Variants in USPL1 observed in about 807,000 individuals in gnomAD.
USPL1 encodes the protein ubiquitin specific peptidase like 1.
USPL1 carries 27 observed loss-of-function variants against 51.5 expected under a neutral mutation model. The ratio of observed to expected loss-of-function variants is 0.52; its 90% confidence interval spans 0.39 to 0.72. The LOEUF is 0.72. USPL1 is among the 30% of genes least tolerant of loss of function. The probability of loss-of-function intolerance (pLI) is 0.00; values close to 1 mark genes in which losing one functional copy is unlikely to be tolerated. For missense variants in USPL1, 1,226 were observed against 1,268.0 expected, an observed-to-expected ratio of 0.97 and a Z score of 0.50; for synonymous variants, 451 against 459.6, an observed-to-expected ratio of 0.98 and a Z score of 0.24.
chr13:30,633,552 C>T (rs1240474449), intron 4 of USPL1, among the ~76,000 whole-genome samples: 1 of 152,026 alleles, frequency 6.6e-6, no homozygotes, highest in Non-Finnish European at 1.5e-5. Context: ...GGGCAGATCT[C>T]ATGAGGTCAA....
At chr13:30,637,252 C>T (rs1028956091) in intron 4 of USPL1, among the ~76,000 whole-genome samples, 4 of 152,126 alleles carry the variant, frequency 2.6e-5, no homozygotes, top group Non-Finnish European at 4.4e-5. Flanking sequence ...CCTTCAAACC[C>T]CTCAAAAATG....
rs758489841 is a variant in USPL1, at chr13:30,642,777, T to A, written c.1112+20T>A. 4 of 1,603,548 alleles carry A rather than the reference T, an allele frequency of 2.5e-6. No homozygotes were observed. The highest frequency in any genetic ancestry group is 1.7e-5 in the Admixed American group (1 of 57,378). On this transcript the variant is annotated intron_variant, in intron 6 of 8. Transcript: ENST00000255304. ...AAACAGGTTAGTTTCTTTTGTTTTT[T>A]AAAATGGGTTCTTCTAGTTTCTCCA...
chr13:30,654,400 C>G lies in USPL1; in HGVS notation c.1396+1095C>G, dbSNP rs545943860. Among the ~76,000 whole-genome samples the G allele has an allele frequency of 3.3e-5, 5 of 151,412 alleles. No individual in the cohort carries two copies. In the South Asian group the frequency reaches 1.0e-3, roughly 31 times the overall value. The stretch of plus-strand genomic sequence containing the variant: ...TTCTTTGCTCCTTCATTCCTTCTCT[C>G]TCTCTCTTTTTTTTTTGAGACAGCA... On this transcript the variant is annotated intron_variant, in intron 8 of 8. Transcript: ENST00000255304.
Position 30,657,527 on chromosome 13 carries a change from A to C in USPL1, c.1450A>C (p.Lys484Gln). 1 of 1,612,564 alleles carries C rather than the reference A, an allele frequency of 6.2e-7. No individual in the cohort carries two copies. The highest frequency in any genetic ancestry group is 8.5e-7 in the Non-Finnish European group (1 of 1,179,562). The change falls in exon 9 of 9, where the codon AAA becomes CAA. Residue 484 changes from lysine to glutamine, a missense_variant. Transcript: ENST00000255304. ...LKGPCSERHK[K>Q]FEVPASEIHI... Reference sequence around the variant, plus strand: ...AGGCCCATGTTCTGAAAGGCACAAGAAATTTGAAGTTCCTGCTTCAGAGAT... The same window carrying C: ...AGGCCCATGTTCTGAAAGGCACAAGCAATTTGAAGTTCCTGCTTCAGAGAT...
chr13:30,635,447 T>A (rs577875589), intron 4 of USPL1, among the ~76,000 whole-genome samples: 1 of 152,326 alleles, frequency 6.6e-6, no homozygotes, highest in East Asian at 1.9e-4. Context: ...CAACATATCA[T>A]GTATGTGTGC....
intron 4 of USPL1, among the ~76,000 whole-genome samples, chr13:30,634,388 A>G (rs1950847394): frequency 6.6e-6 from 1 of 152,222 alleles, no homozygotes; most frequent in Non-Finnish European, 1.5e-5. Flanking sequence ...TTTCCGCTTA[A>G]TATTTTCAGA....
chr13:30,630,850 G>A lies in USPL1; in HGVS notation c.244G>A (p.Gly82Ser). The change falls in exon 4 of 9, where the codon GGC becomes AGC. Residue 82 changes from glycine (G) to serine (S), a missense_variant. By Grantham distance (56) the Gly-to-Ser change is moderately conservative. Coordinates refer to ENST00000255304, the MANE Select transcript of USPL1 (RefSeq NM_005800.5). ...CEDLQCIYPL[G>S]SKSLNNLISP... ...TACTTTCCAGTGCATCTATCCTTTGGGCTCTAAATCACTTAATAACCTAAT... is the reference window on the plus strand; with the variant it reads ...TACTTTCCAGTGCATCTATCCTTTGAGCTCTAAATCACTTAATAACCTAAT... 2.5e-6 allele frequency: 4 copies of A among 1,603,124 alleles called. No individual in the cohort carries two copies. The highest frequency in any genetic ancestry group is 3.4e-6 in the Non-Finnish European group (4 of 1,175,148).
At chr13:30,621,684 G>T (rs1455602627) in intron 2 of USPL1, 80 bp from the exon 3 acceptor site, 5 of 1,143,686 alleles carry the variant, frequency 4.4e-6, no homozygotes, top group Non-Finnish European at 5.7e-6. Context: ...ATTTTTTCTG[G>T]TTACCTTTCC....
In USPL1 at chr13:30,642,661, T is replaced by A; in HGVS notation, c.1016T>A (p.Leu339Gln). The A allele has an allele frequency of 6.2e-7, 1 of 1,613,940 alleles. No individual in the cohort carries two copies. Among genetic ancestry groups the A allele is most frequent in the Middle Eastern group, 1.7e-4 (1 of 6,058 alleles). ...DMESPVFAFP[L>Q]LLKLETHIEK... is the part of the protein sequence containing the mutation. ...GAAAGCCCTGTGTTTGCATTTCCCC[T>A]GCTCTTAAAACTAGAAACCCACATT... Residue 339 changes from leucine (L) to glutamine (Q), a missense_variant, in exon 6 of 9, where the codon CTG (leucine) becomes CAG (glutamine). By Grantham distance (113) the Leu-to-Gln change is moderately radical (BLOSUM62 -2). Transcript: ENST00000255304.
Position 30,646,984 on chromosome 13 carries a change from C to T in USPL1, c.1165C>T (p.Leu389Phe). The T allele has an allele frequency of 6.2e-7, 1 of 1,613,944 alleles. No homozygotes were observed. The highest frequency in any genetic ancestry group is 8.5e-7 in the Non-Finnish European group (1 of 1,179,854). The change falls in exon 7 of 9, where the codon CTT becomes TTT. Residue 389 changes from leucine (L) to phenylalanine (F), a missense_variant. Coordinates refer to ENST00000255304, the MANE Select transcript of USPL1 (RefSeq NM_005800.5). ...FTNVIPEWHP[L>F]NAAHFGPCNN... ...AAATGTCATCCCTGAGTGGCACCCA[C>T]TTAATGCTGCCCATTTTGGTCCATG...
chr13:30,629,808 C>T (rs955755872), intron 3 of USPL1, among the ~76,000 whole-genome samples: 1 of 152,118 alleles, frequency 6.6e-6, no homozygotes, highest in Non-Finnish European at 1.5e-5. Context: ...GCTAATGTTC[C>T]ATCAAAGCTA....
intron 7 of USPL1, among the ~76,000 whole-genome samples, chr13:30,650,430 A>G (rs1470271205): frequency 6.6e-6 from 1 of 152,006 alleles, no homozygotes. Flanking sequence ...TACAAAAATC[A>G]GCTGGATATG....
chr13:30,634,948 T>C (rs1447385203), intron 4 of USPL1, among the ~76,000 whole-genome samples: 1 of 152,232 alleles, frequency 6.6e-6, no homozygotes, highest in Non-Finnish European at 1.5e-5. Context: ...GGTTGTCGGC[T>C]CTATGTGTAT....
intron 6 of USPL1, among the ~76,000 whole-genome samples, chr13:30,644,180 G>A (rs1216187984): frequency 6.6e-6 from 1 of 151,902 alleles, no homozygotes; most frequent in African/African-American, 2.4e-5. Flanking sequence ...CTACTCGGGA[G>A]GCTGAGGCAG....
intron 8 of USPL1, among the ~76,000 whole-genome samples, chr13:30,654,816 ATG>A (rs899056571): frequency 6.6e-5 from 10 of 151,992 alleles, no homozygotes; most frequent in Non-Finnish European, 1.5e-4. Flanking sequence ...AAAAAAAGTT[ATG>A]TGACTTTTTT....
intron 2 of USPL1, 133 bp downstream of exon 2, chr13:30,621,372 C>A (rs1342972429): frequency 1.8e-5 from 11 of 628,316 alleles, no homozygotes; most frequent in Non-Finnish European, 2.7e-6. Flanking sequence ...ACAGTAATGG[C>A]GAAAGATTGT....
At position 30,630,736 on chromosome 13, in the gene USPL1, A is replaced by G. The variant is rs55840526; in HGVS notation, c.229-99A>G. 5,066 of 1,269,138 alleles carry G rather than the reference A, an allele frequency of 4.0e-3. 156 individuals carry two copies. The African/African-American group carries it at 0.067, about 17-fold the overall frequency. The allele number at this position is 1,269,138 out of a possible 1,614,324, so 78.6% of individuals were successfully genotyped here. On this transcript the variant is annotated intron_variant, in intron 3 of 8. Coordinates refer to ENST00000255304, the MANE Select transcript of USPL1 (RefSeq NM_005800.5). ...ATAAATATAACCTGTCATCAAATCA[A>G]TGCTAACATTCTATACATGTTTTTC...
Position 30,659,211 on chromosome 13 carries a change from A to G in USPL1, c.3134A>G (p.Asn1045Ser), listed in dbSNP as rs1322875150. The G allele has an allele frequency of 1.9e-6, 3 of 1,614,064 alleles. No homozygotes were observed. Among genetic ancestry groups the G allele is most frequent in the African/African-American group, 2.7e-5 (2 of 74,930 alleles). The change falls in exon 9 of 9, where the codon AAT (asparagine) becomes AGT (serine). Residue 1045 changes from asparagine to serine, a missense_variant. Asn to Ser is a conservative substitution (Grantham distance 46, BLOSUM62 1). Coordinates refer to ENST00000255304, the MANE Select transcript of USPL1 (RefSeq NM_005800.5). ...CEVQPDSLTN[N>S]ACVRTLNLES... is the part of the protein sequence containing the mutation. ...GTTCAGCCAGACTCTCTGACAAATA[A>G]TGCCTGCGTTAGAACATTAAACTTG...
At chr13:30,642,926 C>T (rs1950968226) in intron 6 of USPL1, among the ~76,000 whole-genome samples, 169 bp downstream of exon 6, 1 of 152,096 alleles carries the variant, frequency 6.6e-6, no homozygotes, top group Admixed American at 6.5e-5. Context: ...AGGAGTTCTT[C>T]AGTGGGAAAT....
Sources: allele counts gnomAD v4.1 joint callset (sites outside exome capture counted in the v4.1 genomes callset), GRCh38; gene constraint gnomAD v4.1.1; transcripts MANE v1.5; gene names NCBI Gene and HGNC (gene_info 2026-07-23, HGNC 2026-07-21).